Variants in ITCH observed in about 807,000 individuals in gnomAD.
The protein encoded by ITCH is E3 ubiquitin-protein ligase Itchy homolog.
In ITCH, 28 loss-of-function variants were observed where a neutral mutation model predicts 126.8. The ratio of observed to expected loss-of-function variants is 0.22; its 90% CI spans 0.16 to 0.30. ITCH has a LOEUF of 0.30. Ranked by LOEUF, ITCH falls within the 10% of genes least tolerant of loss-of-function variation. The probability of loss-of-function intolerance (pLI) is 1.00; values close to 1 mark genes in which losing one functional copy is unlikely to be tolerated. For missense variants in ITCH, 631 were observed against 1,032.4 expected (o/e 0.61, Z 5.33); for synonymous variants, 342 against 340.0 (o/e 1.01, Z -0.06).
intron 23 of ITCH, among the ~76,000 whole-genome samples, chr20:34,497,252 C>G (rs1989950279): frequency 1.3e-5 from 2 of 152,162 alleles, no homozygotes; most frequent in Non-Finnish European, 1.5e-5. Flanking sequence ...GCCTCAGCCT[C>G]CCAAAGTGCT....
chr20:34,442,389 A>G, intron 10 of ITCH, 86 bp downstream of exon 10: 1 of 1,019,998 alleles, frequency 9.8e-7, no homozygotes, highest in Non-Finnish European at 1.5e-6. Flanking sequence ...TTTCTGTTTT[A>G]CTTTTTCTTG....
At chr20:34,450,438 G>A (rs1056722562) in intron 12 of ITCH, among the ~76,000 whole-genome samples, 17 of 152,182 alleles carry the variant, frequency 1.1e-4, no homozygotes, top group Non-Finnish European at 2.2e-4. Flanking sequence ...GAGCTCAAGA[G>A]CATGTGCTGT....
At chr20:34,452,380 C>G (rs1169010741) in intron 12 of ITCH, among the ~76,000 whole-genome samples, 1 of 152,162 alleles carries the variant, frequency 6.6e-6, no homozygotes, top group Admixed American at 6.5e-5. Context: ...TCTTGTTCTG[C>G]TATTTTACAG....
rs1240151070 is a variant in ITCH at position 34,509,806 on chromosome 20, T to G, written c.*2012T>G. On this transcript the variant is annotated 3_prime_UTR_variant, in exon 25 of 25. Coordinates refer to ENST00000374864, the MANE Select transcript of ITCH (RefSeq NM_031483.7). ...TATATGGCTAATGAAGATTAAGCCC[T>G]CTATAAAGACTTCCTGTTGAGGTGA... 3 of 152,662 alleles carry G rather than the reference T, an allele frequency of 2.0e-5. No individual in the cohort carries two copies. Among genetic ancestry groups the G allele is most frequent in the Non-Finnish European group, 4.4e-5 (3 of 68,046 alleles). 9.5% of individuals were successfully genotyped at this position (152,662 alleles called of 1,614,324 possible).
chr20:34,381,400 G>C (rs2038057440), intron 2 of ITCH, among the ~76,000 whole-genome samples: 1 of 151,570 alleles, frequency 6.6e-6, no homozygotes, highest in Non-Finnish European at 1.5e-5. Flanking sequence ...CTCCTGCTGG[G>C]ACTACAGGTG....
At chr20:34,457,558 C>A (rs1986125685) in intron 13 of ITCH, 84 bp downstream of exon 13, 3 of 989,790 alleles carry the variant, frequency 3.0e-6, no homozygotes, top group Non-Finnish European at 4.7e-6. Flanking sequence ...AGTTCATATT[C>A]TTTTGCCAAA....
At chr20:34,417,989 CAG>C (rs1980179789) in intron 6 of ITCH, among the ~76,000 whole-genome samples, 2 of 139,506 alleles carry the variant, frequency 1.4e-5, no homozygotes, top group South Asian at 2.2e-4. Flanking sequence ...TTTTTTGAGA[CAG>C]GGTATCGTTC....
chr20:34,462,356 G>A (rs1268319258), intron 14 of ITCH, 135 bp downstream of exon 14: 3 of 898,442 alleles, frequency 3.3e-6, no homozygotes, highest in Non-Finnish European at 5.2e-6. Context: ...TGTTCATTAA[G>A]TATTTTGCAT....
At position 34,441,069 on chromosome 20, in the gene ITCH, G is replaced by A. The variant is rs530137686; in HGVS notation, c.869+725G>A. Among the ~76,000 whole-genome samples the A allele has an allele frequency of 3.3e-5, 5 of 151,972 alleles. No homozygotes were observed. The South Asian group carries it at 1.0e-3, about 32-fold the overall frequency. On this transcript the variant is annotated intron_variant, in intron 9 of 24. Transcript: ENST00000374864. ...GCTGATCACCTGAGGTCAGGAGTTC[G>A]AGACCAGCCTGGCCAACATGCTGAA...
chr20:34,399,618 A>G (rs2038799543), intron 3 of ITCH, among the ~76,000 whole-genome samples: 1 of 152,114 alleles, frequency 6.6e-6, no homozygotes, highest in African/African-American at 2.4e-5. Flanking sequence ...AGGCGGGCAG[A>G]TCATCCGAGG....
intron 12 of ITCH, among the ~76,000 whole-genome samples, chr20:34,452,068 TCA>T (rs1985326738): frequency 1.2e-5 from 1 of 86,922 alleles, no homozygotes. Flanking sequence ...AGACCCTGTC[TCA>T]AAAAAAAAAA....
Position 34,478,013 on chromosome 20 carries a change from C to G in ITCH, c.1658+153C>G, listed in dbSNP as rs1988392445. On this transcript the variant is annotated intron_variant, in intron 17 of 24. Transcript: ENST00000374864. ...TTATTATGCTGTAGCTACAGAATTT[C>G]AAAAAACATTTAATTCAGCACTTTC... is the stretch of plus-strand genomic sequence containing the variant. 55 of 971,288 alleles carry G rather than the reference C, an allele frequency of 5.7e-5. No individual in the cohort carries two copies. In the South Asian group the frequency reaches 8.9e-4, roughly 16 times the overall value. 60.2% of individuals were successfully genotyped at this position (971,288 alleles called of 1,614,324 possible).
At chr20:34,419,635 C>T (rs1601856423) in intron 6 of ITCH, among the ~76,000 whole-genome samples, 5 of 152,190 alleles carry the variant, frequency 3.3e-5, no homozygotes, top group Admixed American at 3.3e-4. Flanking sequence ...TCCACGACCA[C>T]ACTCAGCTAA....
chr20:34,463,285 C>G (rs1457131324), intron 14 of ITCH, among the ~76,000 whole-genome samples: 1 of 152,198 alleles, frequency 6.6e-6, no homozygotes, highest in Non-Finnish European at 1.5e-5. Context: ...ATCGCTTGAA[C>G]CCAGGAGGCA....
intron 22 of ITCH, 36 bp from the exon 23 acceptor site, chr20:34,492,465 A>G (rs755521541): frequency 5.9e-6 from 7 of 1,189,506 alleles, no homozygotes; most frequent in Non-Finnish European, 6.3e-6. Context: ...AATGTAACAT[A>G]TGACATATAT....
chr20:34,448,591 GT>G (rs972056486), intron 11 of ITCH, among the ~76,000 whole-genome samples: 5 of 148,178 alleles, frequency 3.4e-5, no homozygotes, highest in East Asian at 3.9e-4. Flanking sequence ...TGTTTTACTT[GT>G]TTTTTTTTTC....
rs1989357017 is a variant in ITCH, at chr20:34,489,360, C to T, written c.2188C>T (p.Gln730Ter). The T allele has an allele frequency of 1.2e-6, 2 of 1,613,136 alleles. No homozygotes were observed. Among genetic ancestry groups the T allele is most frequent in the East Asian group, 2.2e-5 (1 of 44,842 alleles). ...FNEILPQQYLQYFDAKELEVL... is the reference protein window; with the variant it reads ...FNEILPQQYL ...TGAAATTCTTCCCCAGCAATATTTG[C>T]AATACTTTGATGCAAAGGAATTAGA... The change falls in exon 21 of 25, where the codon CAA becomes TAA. Residue 730 changes from glutamine (Q) to a stop codon, truncating the protein, a stop_gained. Coordinates refer to ENST00000374864, the MANE Select transcript of ITCH (RefSeq NM_031483.7). LOFTEE classifies it high-confidence loss of function.
chr20:34,425,416 T>C (rs1981374733), intron 7 of ITCH, among the ~76,000 whole-genome samples: 1 of 152,012 alleles, frequency 6.6e-6, no homozygotes, highest in Non-Finnish European at 1.5e-5. Flanking sequence ...GCCCAACACC[T>C]GTGAAGGGTC....
rs774005202 is a variant in ITCH at position 34,462,156 on chromosome 20, A to G, written c.1359A>G (p.Pro453=). ...WEMRFTVDGI[P]YFVDHNRRTT... ...TGAGATTCACAGTGGATGGAATTCC[A>G]TATTTTGTGGACCACAATAGAAGAA... The change falls in exon 14 of 25, where the codon CCA becomes CCG. Residue 453 remains proline (P), a synonymous_variant. Transcript: ENST00000374864. 2.5e-6 allele frequency: 4 copies of G among 1,613,800 alleles called. No homozygotes were observed. The highest frequency in any genetic ancestry group is 2.2e-5 in the East Asian group (1 of 44,842).
Sources: allele counts gnomAD v4.1 joint callset (sites outside exome capture counted in the v4.1 genomes callset), GRCh38; gene constraint gnomAD v4.1.1; transcripts MANE v1.5; gene names NCBI Gene and HGNC (gene_info 2026-07-23, HGNC 2026-07-21).